GALNTL6: variants seen among roughly 807,000 people sequenced by gnomAD.
GALNTL6 encodes polypeptide N-acetylgalactosaminyltransferase like 6.
A neutral mutation model predicts 73.7 loss-of-function variants in GALNTL6; 46 were observed. That is an observed-to-expected ratio of 0.62 (90% confidence interval 0.49 to 0.80). The LOEUF (loss-of-function observed/expected upper bound fraction) is 0.80, where lower values mean the gene tolerates loss of function less well. Ranked by LOEUF, GALNTL6 falls within the 30% of genes least tolerant of loss-of-function variation. The pLI, the probability that GALNTL6 is intolerant of heterozygous loss-of-function variation, is 0.00. For synonymous variants in GALNTL6, 259 were observed against 263.7 expected (o/e 0.98, Z 0.17); for missense variants, 604 against 755.0 (o/e 0.80, Z 2.34).
chr4:172,874,143 C>A (rs1745075735), intron 7 of GALNTL6, among the ~76,000 whole-genome samples: 1 of 152,210 alleles, frequency 6.6e-6, no homozygotes, highest in Non-Finnish European at 1.5e-5. Context: ...GAAAGGCTCT[C>A]CACTCTCCGC....
chr4:172,833,330 C>T (rs946980948), intron 7 of GALNTL6, among the ~76,000 whole-genome samples: 2 of 152,146 alleles, frequency 1.3e-5, no homozygotes, highest in African/African-American at 4.8e-5. Flanking sequence ...GAAATGATAA[C>T]CATTTATCAT....
At chr4:173,005,185 G>T (rs1407393808) in intron 10 of GALNTL6, among the ~76,000 whole-genome samples, 2 of 152,012 alleles carry the variant, frequency 1.3e-5, no homozygotes, top group African/African-American at 2.4e-5. Context: ...CTTGATCCTT[G>T]CCCAAAAGGA....
At chr4:172,305,645 G>T (rs1203227309) in intron 3 of GALNTL6, among the ~76,000 whole-genome samples, 1 of 151,980 alleles carries the variant, frequency 6.6e-6, no homozygotes, top group Non-Finnish European at 1.5e-5. Flanking sequence ...CAAAAGCAAT[G>T]TAAGACTGTA....
intron 5 of GALNTL6, among the ~76,000 whole-genome samples, chr4:172,612,099 G>A (rs1738546844): frequency 6.6e-6 from 1 of 152,076 alleles, no homozygotes; most frequent in Admixed American, 6.6e-5. Context: ...TAAGGATCCA[G>A]AATGTATGTA....
At chr4:171,941,806 A>G (rs893767175) in intron 2 of GALNTL6, among the ~76,000 whole-genome samples, 1 of 152,206 alleles carries the variant, frequency 6.6e-6, no homozygotes, top group Non-Finnish European at 1.5e-5. Context: ...AAAAATTCAC[A>G]AAGAGGTATA....
chr4:172,131,513 C>T (rs557283082), intron 2 of GALNTL6, among the ~76,000 whole-genome samples: 220 of 143,716 alleles, frequency 1.5e-3, no homozygotes, highest in African/African-American at 5.1e-3. Flanking sequence ...TATATGTGTG[C>T]ATATATATAC....
intron 11 of GALNTL6, among the ~76,000 whole-genome samples, chr4:173,010,080 C>A (rs1162459078): frequency 6.6e-6 from 1 of 152,114 alleles, no homozygotes; most frequent in Non-Finnish European, 1.5e-5. Flanking sequence ...GTTGTGCTAT[C>A]AAATACTAGG....
intron 5 of GALNTL6, among the ~76,000 whole-genome samples, chr4:172,808,936 A>G (rs1260938676): frequency 2.0e-5 from 3 of 152,172 alleles, no homozygotes; most frequent in South Asian, 2.1e-4. Context: ...GTTGTTTTAC[A>G]TATATTATTT....
intron 5 of GALNTL6, among the ~76,000 whole-genome samples, chr4:172,420,602 T>A (rs116243014): frequency 1.3e-5 from 2 of 152,158 alleles, no homozygotes; most frequent in Non-Finnish European, 2.9e-5. Flanking sequence ...GAATGTCTCA[T>A]GTACTCTACA....
At chr4:172,735,068 C>T (rs1200708643) in intron 5 of GALNTL6, among the ~76,000 whole-genome samples, 1 of 152,190 alleles carries the variant, frequency 6.6e-6, no homozygotes, top group East Asian at 1.9e-4. Context: ...CACACAGAGT[C>T]CCCACTGTGG....
intron 2 of GALNTL6, among the ~76,000 whole-genome samples, chr4:171,904,405 T>C (rs1190694697): frequency 6.6e-6 from 1 of 151,852 alleles, no homozygotes; most frequent in African/African-American, 2.4e-5. Flanking sequence ...CGATGGAAGA[T>C]GAAATGAATG....
At chr4:172,524,721 T>C (rs1247192808) in intron 5 of GALNTL6, among the ~76,000 whole-genome samples, 1 of 152,240 alleles carries the variant, frequency 6.6e-6, no homozygotes, top group Admixed American at 6.5e-5. Context: ...CTTCCAGTTT[T>C]GTCTTTTTTG....
intron 5 of GALNTL6, among the ~76,000 whole-genome samples, chr4:172,385,945 G>A (rs1031208284): frequency 6.6e-6 from 1 of 151,718 alleles, no homozygotes; most frequent in African/African-American, 2.4e-5. Context: ...AAAGATTATA[G>A]TAGAAATTAC....
intron 2 of GALNTL6, among the ~76,000 whole-genome samples, chr4:172,108,537 G>A (rs565860508): frequency 6.6e-6 from 1 of 152,200 alleles, no homozygotes; most frequent in East Asian, 1.9e-4. Context: ...TTTATTGGGT[G>A]AGTAAAGCAG....
intron 5 of GALNTL6, among the ~76,000 whole-genome samples, chr4:172,428,952 G>T (rs564988967): frequency 6.6e-6 from 1 of 152,040 alleles, no homozygotes; most frequent in Non-Finnish European, 1.5e-5. Context: ...ATTTCTCACA[G>T]TTCTGGAACA....
chr4:171,831,542 T>C (rs1734971762), intron 2 of GALNTL6, among the ~76,000 whole-genome samples: 1 of 151,980 alleles, frequency 6.6e-6, no homozygotes, highest in Admixed American at 6.6e-5. Flanking sequence ...ATCTACTTTT[T>C]ACCTAGCTTT....
At chr4:172,120,062 GA>G (rs1298751799) in intron 2 of GALNTL6, among the ~76,000 whole-genome samples, 2 of 152,138 alleles carry the variant, frequency 1.3e-5, no homozygotes, top group Non-Finnish European at 2.9e-5. Context: ...GCATTATGAA[GA>G]CAACGTATTG....
intron 5 of GALNTL6, among the ~76,000 whole-genome samples, chr4:172,364,317 AGGCTGTGGGAGGAT>A (rs1742480593): frequency 6.6e-6 from 1 of 152,096 alleles, no homozygotes; most frequent in Non-Finnish European, 1.5e-5. Context: ...GTTACTCTGG[AGGCTGTGGGAGGAT>A]GGCTTGAGCT....
chr4:171,950,100 G>A (rs536205613), intron 2 of GALNTL6, among the ~76,000 whole-genome samples: 1 of 152,312 alleles, frequency 6.6e-6, no homozygotes, highest in South Asian at 2.1e-4. Context: ...GTTAGACTGA[G>A]AGCTGATTCC....
Sources: allele counts gnomAD v4.1 joint callset (sites outside exome capture counted in the v4.1 genomes callset), GRCh38; gene constraint gnomAD v4.1.1; transcripts MANE v1.5; gene names NCBI Gene and HGNC (gene_info 2026-07-23, HGNC 2026-07-21).